VAV3: variants seen among roughly 807,000 people sequenced by gnomAD.
VAV3 encodes the protein vav guanine nucleotide exchange factor 3.
A neutral mutation model predicts 131.2 loss-of-function variants in VAV3; 94 were observed. The ratio of observed to expected loss-of-function variants is 0.72; its 90% CI spans 0.61 to 0.85. The LOEUF is 0.85. Ranked by LOEUF, VAV3 falls within the 40% of genes least tolerant of loss-of-function variation. The pLI, the probability that VAV3 is intolerant of heterozygous loss-of-function variation, is 0.00. For missense variants in VAV3, 939 were observed against 1,002.7 expected, an observed-to-expected ratio of 0.94 and a Z score of 0.86; for synonymous variants, 349 against 342.0, an observed-to-expected ratio of 1.02 and a Z score of -0.22.
intron 1 of VAV3, among the ~76,000 whole-genome samples, chr1:107,890,565 A>T (rs1671264280): frequency 6.6e-6 from 1 of 152,200 alleles, no homozygotes; most frequent in Non-Finnish European, 1.5e-5. Flanking sequence ...GTGAATTAAC[A>T]GTGTTTCACT....
intron 9 of VAV3, among the ~76,000 whole-genome samples, chr1:107,761,992 G>C (rs1329039739): frequency 6.6e-6 from 1 of 151,854 alleles, no homozygotes; most frequent in African/African-American, 2.4e-5. Flanking sequence ...TTATGACTTT[G>C]AGTAAATTAC....
intron 19 of VAV3, among the ~76,000 whole-genome samples, chr1:107,662,918 C>T (rs944422492): frequency 2.0e-5 from 3 of 152,226 alleles, no homozygotes; most frequent in African/African-American, 7.2e-5. Context: ...TCACTATCCA[C>T]AGCAATGACC....
chr1:107,637,940 CATT>C (rs1655056208), intron 20 of VAV3, among the ~76,000 whole-genome samples: 1 of 152,048 alleles, frequency 6.6e-6, no homozygotes, highest in Non-Finnish European at 1.5e-5. Flanking sequence ...AAATTTGCCG[CATT>C]AATAAAAACA....
chr1:107,893,457 G>A (rs536868502), intron 1 of VAV3, among the ~76,000 whole-genome samples: 34 of 152,210 alleles, frequency 2.2e-4, no homozygotes, highest in African/African-American at 7.7e-4. Context: ...CTGAGACTGG[G>A]TAATTTATAC....
At chr1:107,686,614 T>C (rs1659046934) in intron 18 of VAV3, among the ~76,000 whole-genome samples, 1 of 152,032 alleles carries the variant, frequency 6.6e-6, no homozygotes, top group African/African-American at 2.4e-5. Context: ...GCCTCAGAGC[T>C]TACTATAATC....
chr1:107,598,317 C>T (rs981035372), intron 24 of VAV3, among the ~76,000 whole-genome samples: 12 of 152,134 alleles, frequency 7.9e-5, no homozygotes, highest in Admixed American at 5.9e-4. Flanking sequence ...GACTTTGCCA[C>T]TGTACTCCAG....
intron 17 of VAV3, among the ~76,000 whole-genome samples, chr1:107,703,868 G>A (rs1159028710): frequency 2.6e-5 from 4 of 152,058 alleles, no homozygotes; most frequent in African/African-American, 4.8e-5. Context: ...AGAAAGGGAA[G>A]AATAAAGAAG....
chr1:107,757,594 C>T (rs1664184052), intron 10 of VAV3, among the ~76,000 whole-genome samples: 1 of 152,118 alleles, frequency 6.6e-6, no homozygotes, highest in Non-Finnish European at 1.5e-5. Flanking sequence ...TGACATTGAT[C>T]CCTATTGTTA....
chr1:107,926,306 A>G (rs1404400625), intron 1 of VAV3, among the ~76,000 whole-genome samples: 1 of 151,650 alleles, frequency 6.6e-6, no homozygotes. Flanking sequence ...AACAAAACAA[A>G]AAGAATCAAC....
chr1:107,643,446 G>T (rs905712847), intron 19 of VAV3, among the ~76,000 whole-genome samples: 1 of 152,160 alleles, frequency 6.6e-6, no homozygotes, highest in Non-Finnish European at 1.5e-5. Flanking sequence ...ATTTTTGAGA[G>T]AACAGCAGCT....
At chr1:107,857,718 G>A (rs182404835) in intron 2 of VAV3, among the ~76,000 whole-genome samples, 2 of 152,238 alleles carry the variant, frequency 1.3e-5, no homozygotes, top group East Asian at 1.9e-4. Context: ...AGAATGAAAG[G>A]GGGGGAAGTT....
At chr1:107,781,441 G>A (rs771479384) in intron 2 of VAV3, among the ~76,000 whole-genome samples, 6 of 152,156 alleles carry the variant, frequency 3.9e-5, no homozygotes, top group Non-Finnish European at 8.8e-5. Flanking sequence ...CAATACATAT[G>A]TTAATTAGCT....
chr1:107,586,239 G>A (rs1349511645), intron 25 of VAV3, among the ~76,000 whole-genome samples: 1 of 151,702 alleles, frequency 6.6e-6, no homozygotes, highest in African/African-American at 2.4e-5. Flanking sequence ...CTAGCAAGTG[G>A]CATCTCCATT....
At chr1:107,625,880 A>T (rs1012676851) in intron 20 of VAV3, among the ~76,000 whole-genome samples, 13 of 152,220 alleles carry the variant, frequency 8.5e-5, no homozygotes, top group African/African-American at 3.1e-4. Context: ...TGGCCCACTG[A>T]AAGTATTCTG....
intron 1 of VAV3, among the ~76,000 whole-genome samples, chr1:107,946,838 T>C (rs1010423625): frequency 6.6e-6 from 1 of 152,212 alleles, no homozygotes; most frequent in African/African-American, 2.4e-5. Context: ...CCAAGGGAAA[T>C]AGACATTAAT....
intron 15 of VAV3, among the ~76,000 whole-genome samples, chr1:107,739,625 G>A (rs1313414171): frequency 1.3e-5 from 2 of 152,312 alleles, no homozygotes; most frequent in South Asian, 2.1e-4. Context: ...GAGGAAGAAT[G>A]TGAGGTTTTT....
intron 2 of VAV3, among the ~76,000 whole-genome samples, chr1:107,798,435 G>A (rs1461877090): frequency 1.3e-5 from 2 of 151,984 alleles, no homozygotes; most frequent in African/African-American, 4.8e-5. Context: ...AACATGCACC[G>A]AGGCCAGGCG....
At chr1:107,642,555 G>A in intron 20 of VAV3, 64 bp downstream of exon 20, 13 of 1,573,588 alleles carry the variant, frequency 8.3e-6, no homozygotes, top group Non-Finnish European at 1.1e-5. Context: ...ATTCCTTCTT[G>A]GGCAAGATTT....
rs539868760 is a variant in VAV3 at position 107,793,673 on chromosome 1, A to C, written c.322-14181T>G. The stretch of plus-strand genomic sequence containing the variant: ...TTGCAGGTTGGAGGTAGACAGTTTT[A>C]AACACCAGGCTAAGGGGTCTAGATT... On this transcript the variant is annotated intron_variant, in intron 2 of 26. Coordinates refer to ENST00000370056, the MANE Select transcript of VAV3 (RefSeq NM_006113.5). Among the ~76,000 whole-genome samples the C allele has an allele frequency of 9.8e-5, 15 of 152,296 alleles. 1 individual carries two copies. The South Asian group carries it at 2.7e-3, about 27-fold the overall frequency.
Sources: gnomAD v4.1 joint callset for allele counts (sites outside exome capture counted in the v4.1 genomes callset) on GRCh38, gnomAD v4.1.1 for gene constraint, MANE v1.5 for transcripts, NCBI Gene and HGNC (gene_info 2026-07-23, HGNC 2026-07-21) for gene names.